LDB2: variants seen among roughly 807,000 people sequenced by gnomAD.
LDB2 encodes LIM domain binding 2.
In LDB2, 12 loss-of-function variants were observed where a neutral mutation model predicts 44.3. That is an observed-to-expected ratio of 0.27 (90% CI 0.17 to 0.44). The LOEUF (loss-of-function observed/expected upper bound fraction) is 0.44, where lower values mean the gene tolerates loss of function less well. Among genes scored for constraint, LDB2 ranks in the 20% least tolerant of loss-of-function variants. LDB2 has a pLI of 1.00. For synonymous variants in LDB2, 164 were observed against 174.8 expected (o/e 0.94, Z 0.49); for missense variants, 344 against 473.5 (o/e 0.73, Z 2.54).
Position 16,583,357 on chromosome 4 carries a change from G to T in LDB2, c.615+2565C>A, listed in dbSNP as rs563052973. Among the ~76,000 whole-genome samples the T allele has an allele frequency of 3.9e-5, 6 of 152,254 alleles. No individual in the cohort carries two copies. The South Asian group carries it at 1.2e-3, about 32-fold the overall frequency. ...TTCTTCAACTGCATAGAAGGCTTTGGATTCATATTTACCAAAGTATCCATC... is the reference window on the plus strand; with the variant it reads ...TTCTTCAACTGCATAGAAGGCTTTGTATTCATATTTACCAAAGTATCCATC... On this transcript the variant is annotated intron_variant, in intron 5 of 7. Transcript: ENST00000304523.
In LDB2 at chr4:16,737,541, A is replaced by T. The variant is rs539541521; in HGVS notation, c.235+21617T>A. ...AACTATAGTATAAAAAACTAAGGCA[A>T]ATAATATTCAATGACAGGAAGTACG... On this transcript the variant is annotated intron_variant, in intron 2 of 7. Coordinates refer to ENST00000304523, the MANE Select transcript of LDB2 (RefSeq NM_001290.5). 5.3e-5 allele frequency among the ~76,000 whole-genome samples: 8 copies of T among 152,360 alleles called. No homozygotes were observed. In the East Asian group the frequency reaches 1.5e-3, roughly 29 times the overall value.
chr4:16,504,222 A>C (rs891293450), intron 7 of LDB2, among the ~76,000 whole-genome samples: 2 of 152,206 alleles, frequency 1.3e-5, no homozygotes, highest in Non-Finnish European at 2.9e-5. Flanking sequence ...CTGGGACAGT[A>C]GAATGGAATA....
intron 7 of LDB2, among the ~76,000 whole-genome samples, chr4:16,507,393 A>G (rs1445585924): frequency 6.6e-6 from 1 of 152,088 alleles, no homozygotes; most frequent in Non-Finnish European, 1.5e-5. Context: ...ACCAGTGGAA[A>G]GTAGATACAA....
At chr4:16,792,035 A>C (rs1775868430) in intron 1 of LDB2, among the ~76,000 whole-genome samples, 1 of 152,246 alleles carries the variant, frequency 6.6e-6, no homozygotes, top group Admixed American at 6.5e-5. Flanking sequence ...GGAGTTGAAC[A>C]GTCTCATAAT....
chr4:16,508,395 C>T (rs1360089800), intron 7 of LDB2, 140 bp downstream of exon 7: 6 of 706,272 alleles, frequency 8.5e-6, no homozygotes, highest in African/African-American at 1.8e-5. Flanking sequence ...CAACCTCTGT[C>T]CCTGTCTTTT....
chr4:16,846,496 AT>A (rs1353488199), intron 1 of LDB2, among the ~76,000 whole-genome samples: 3 of 152,162 alleles, frequency 2.0e-5, no homozygotes, highest in Non-Finnish European at 4.4e-5. Context: ...CTATCTATAT[AT>A]TTTTTATGGC....
At chr4:16,656,354 G>A (rs189877831) in intron 2 of LDB2, among the ~76,000 whole-genome samples, 1 of 152,334 alleles carries the variant, frequency 6.6e-6, no homozygotes, top group East Asian at 1.9e-4. Context: ...GGAGAGCACA[G>A]TATTTAGGAG....
intron 2 of LDB2, among the ~76,000 whole-genome samples, chr4:16,624,700 A>G (rs1729814161): frequency 3.3e-5 from 5 of 152,172 alleles, no homozygotes; most frequent in Admixed American, 3.3e-4. Context: ...GTCTCTTGAA[A>G]TCTGATTTAA....
intron 1 of LDB2, among the ~76,000 whole-genome samples, chr4:16,800,660 G>A (rs558483670): frequency 1.3e-5 from 2 of 152,196 alleles, no homozygotes; most frequent in Admixed American, 1.3e-4. Context: ...AATAGAAGAC[G>A]TTTCTTTGTT....
At position 16,813,997 on chromosome 4, in the gene LDB2, G is replaced by A. The variant is rs565567091; in HGVS notation, c.133-54737C>T. Among the ~76,000 whole-genome samples, 7 of 151,306 alleles carry A rather than the reference G, an allele frequency of 4.6e-5. No homozygotes were observed. In the East Asian group the frequency reaches 9.8e-4, roughly 21 times the overall value. ...GGCCATTCTCCTGCCTCAGCCTCCC[G>A]AGTAGCTGGGACTACAGGCGCCCAC... On this transcript the variant is annotated intron_variant, in intron 1 of 7. Transcript: ENST00000304523.
At chr4:16,808,056 T>C (rs1017745888) in intron 1 of LDB2, among the ~76,000 whole-genome samples, 1 of 151,964 alleles carries the variant, frequency 6.6e-6, no homozygotes, top group Non-Finnish European at 1.5e-5. Flanking sequence ...TGAGAGAATG[T>C]ACACCTTTAC....
intron 1 of LDB2, among the ~76,000 whole-genome samples, chr4:16,869,882 T>G (rs543741764): frequency 6.6e-6 from 1 of 152,282 alleles, no homozygotes; most frequent in South Asian, 2.1e-4. Flanking sequence ...ATCTAGAAAG[T>G]CAATGTGGTG....
At chr4:16,690,811 T>C (rs1324874828) in intron 2 of LDB2, among the ~76,000 whole-genome samples, 1 of 152,164 alleles carries the variant, frequency 6.6e-6, no homozygotes, top group Admixed American at 6.5e-5. Flanking sequence ...CAAACTGTGG[T>C]AAACTTCTTA....
chr4:16,590,076 T>C (rs1718375836), intron 3 of LDB2, among the ~76,000 whole-genome samples: 1 of 152,182 alleles, frequency 6.6e-6, no homozygotes, highest in South Asian at 2.1e-4. Flanking sequence ...CACAAAGCGC[T>C]AGACCAGTAA....
At chr4:16,578,370 T>C (rs962380901) in intron 5 of LDB2, among the ~76,000 whole-genome samples, 2 of 152,120 alleles carry the variant, frequency 1.3e-5, no homozygotes, top group Non-Finnish European at 2.9e-5. Flanking sequence ...AAAGATCTGA[T>C]AATCTGATTA....
At chr4:16,516,579 G>A (rs1175150042) in intron 5 of LDB2, among the ~76,000 whole-genome samples, 2 of 152,108 alleles carry the variant, frequency 1.3e-5, no homozygotes, top group African/African-American at 2.4e-5. Context: ...TTCATTGTAC[G>A]ACAAGGTAGA....
At chr4:16,858,604 G>A (rs1789859879) in intron 1 of LDB2, among the ~76,000 whole-genome samples, 1 of 152,186 alleles carries the variant, frequency 6.6e-6, no homozygotes, top group African/African-American at 2.4e-5. Flanking sequence ...ACCAGACCCG[G>A]TCCTCGACTT....
At chr4:16,504,101 G>C (rs1428939991) in intron 7 of LDB2, among the ~76,000 whole-genome samples, 1 of 152,174 alleles carries the variant, frequency 6.6e-6, no homozygotes, top group Admixed American at 6.5e-5. Flanking sequence ...CTAGCCAGAT[G>C]CTTTTGGAGA....
intron 2 of LDB2, among the ~76,000 whole-genome samples, chr4:16,732,713 A>T (rs909619319): frequency 1.3e-5 from 2 of 152,212 alleles, no homozygotes; most frequent in African/African-American, 4.8e-5. Context: ...ATGATTTCTC[A>T]TCTGTTTGGA....
Sources: allele counts gnomAD v4.1 joint callset (sites outside exome capture counted in the v4.1 genomes callset), GRCh38; gene constraint gnomAD v4.1.1; transcripts MANE v1.5; gene names NCBI Gene and HGNC (gene_info 2026-07-23, HGNC 2026-07-21).